Variants in TAFA5 observed in about 807,000 individuals in gnomAD.
TAFA5 encodes the protein TAFA chemokine like family member 5.
In TAFA5, 6 loss-of-function variants were observed where a neutral mutation model predicts 15.3. The ratio of observed to expected loss-of-function variants is 0.39; its 90% CI spans 0.21 to 0.77. The LOEUF (loss-of-function observed/expected upper bound fraction) is 0.77, where lower values mean the gene tolerates loss of function less well. Among genes scored for constraint, TAFA5 ranks in the 30% least tolerant of loss-of-function variants. The pLI, the probability that TAFA5 is intolerant of heterozygous loss-of-function variation, is 0.41. For synonymous variants in TAFA5, 103 were observed against 80.7 expected (o/e 1.28, Z -1.48); for missense variants, 161 against 193.1 (o/e 0.83, Z 0.98).
chr22:48,717,651 G>T (rs1484083068), intron 3 of TAFA5, among the ~76,000 whole-genome samples: 1 of 152,214 alleles, frequency 6.6e-6, no homozygotes, highest in Non-Finnish European at 1.5e-5. Context: ...GTATTCATCA[G>T]GCCCCGTTCT....
chr22:48,718,411 G>A (rs1027914228), intron 3 of TAFA5, among the ~76,000 whole-genome samples: 1 of 152,158 alleles, frequency 6.6e-6, no homozygotes, highest in Non-Finnish European at 1.5e-5. Flanking sequence ...AAGTCAAGAG[G>A]TGTCTTGAGG....
At chr22:48,719,679 C>T (rs910669633) in intron 3 of TAFA5, among the ~76,000 whole-genome samples, 3 of 152,186 alleles carry the variant, frequency 2.0e-5, no homozygotes, top group African/African-American at 7.2e-5. Flanking sequence ...CGGGGACCCG[C>T]ACCTAACTAA....
intron 1 of TAFA5, among the ~76,000 whole-genome samples, chr22:48,509,855 G>A (rs1921145581): frequency 6.6e-6 from 1 of 151,818 alleles, no homozygotes; most frequent in Non-Finnish European, 1.5e-5. Flanking sequence ...GGAGGCTGAG[G>A]CAGGAGAATG....
At chr22:48,645,616 G>A (rs1171656470) in intron 1 of TAFA5, among the ~76,000 whole-genome samples, 1 of 152,124 alleles carries the variant, frequency 6.6e-6, no homozygotes, top group African/African-American at 2.4e-5. Flanking sequence ...CGTGCCCTGT[G>A]GGGTATCTGT....
intron 3 of TAFA5, among the ~76,000 whole-genome samples, chr22:48,746,675 G>A (rs901297503): frequency 4.6e-5 from 7 of 152,282 alleles, no homozygotes; most frequent in African/African-American, 1.7e-4. Flanking sequence ...GGACCCGGGA[G>A]GTGTGCCCCG....
At chr22:48,529,207 G>A (rs1459106722) in intron 1 of TAFA5, among the ~76,000 whole-genome samples, 1 of 149,884 alleles carries the variant, frequency 6.7e-6, no homozygotes, top group Non-Finnish European at 1.5e-5. Flanking sequence ...GGCAGGAAAT[G>A]AGGATGTCCA....
intron 1 of TAFA5, among the ~76,000 whole-genome samples, chr22:48,512,764 CA>C (rs1003126343): frequency 1.3e-5 from 2 of 149,278 alleles, no homozygotes; most frequent in African/African-American, 2.5e-5. Context: ...ACTAAAAATA[CA>C]AAAAAAAATT....
At chr22:48,705,803 A>G (rs116496304) in intron 2 of TAFA5, among the ~76,000 whole-genome samples, 1 of 152,234 alleles carries the variant, frequency 6.6e-6, no homozygotes, top group African/African-American at 2.4e-5. Flanking sequence ...ACACACGTGC[A>G]TTTGCACAAC....
intron 3 of TAFA5, among the ~76,000 whole-genome samples, chr22:48,712,663 G>A (rs927195645): frequency 4.6e-5 from 7 of 152,192 alleles, no homozygotes; most frequent in South Asian, 2.1e-4. Context: ...CCTTGTGGAC[G>A]TCCACCTGCC....
chr22:48,602,322 T>G (rs1268392451), intron 1 of TAFA5, among the ~76,000 whole-genome samples: 1 of 152,186 alleles, frequency 6.6e-6, no homozygotes, highest in African/African-American at 2.4e-5. Context: ...AGTTAGCAGG[T>G]CCTGGACATG....
At chr22:48,553,710 G>A (rs1444063902) in intron 1 of TAFA5, among the ~76,000 whole-genome samples, 1 of 152,164 alleles carries the variant, frequency 6.6e-6, no homozygotes, top group Non-Finnish European at 1.5e-5. Flanking sequence ...TGCCTCCCAC[G>A]GCTCTCTCTC....
chr22:48,560,677 C>T lies in TAFA5; in HGVS notation c.112+70973C>T, dbSNP rs1014716177. ...CAGGCGGGAGTGCAGTGGTGCTATT[C>T]GGCTCACTGCATCCTCTGCCTCCCG... On this transcript the variant is annotated intron_variant, in intron 1 of 3. Transcript: ENST00000402357. This position sits in a 1 kb window ranked among gnomAD's most constrained non-coding sequence, Gnocchi z 4.2. Among the ~76,000 whole-genome samples the T allele has an allele frequency of 2.0e-5, 3 of 151,660 alleles. No individual in the cohort carries two copies. The highest frequency in any genetic ancestry group is 4.8e-5 in the African/African-American group (2 of 41,256).
At chr22:48,618,544 C>T (rs1013752502) in intron 1 of TAFA5, among the ~76,000 whole-genome samples, 3 of 152,196 alleles carry the variant, frequency 2.0e-5, no homozygotes, top group Non-Finnish European at 4.4e-5. Flanking sequence ...ATCAGGTGGC[C>T]TCGTCCGCAC....
At chr22:48,732,305 C>T (rs942770663) in intron 3 of TAFA5, among the ~76,000 whole-genome samples, 1 of 152,126 alleles carries the variant, frequency 6.6e-6, no homozygotes, top group Non-Finnish European at 1.5e-5. Flanking sequence ...GGCTGGAGTG[C>T]AGTGGCGCAA....
chr22:48,743,596 T>C (rs773374144), intron 3 of TAFA5, among the ~76,000 whole-genome samples: 2 of 152,020 alleles, frequency 1.3e-5, no homozygotes, highest in African/African-American at 4.8e-5. Flanking sequence ...CCTGAGCTCA[T>C]GGAGGAGGGG....
At chr22:48,544,814 G>A (rs545939727) in intron 1 of TAFA5, 11 of 471,142 alleles carry the variant, frequency 2.3e-5, no homozygotes, top group South Asian at 1.5e-4. Context: ...TGCAAACAAG[G>A]TGTGGCCTGG....
At chr22:48,717,487 A>G (rs554978927) in intron 3 of TAFA5, among the ~76,000 whole-genome samples, 14 of 152,260 alleles carry the variant, frequency 9.2e-5, no homozygotes, top group Non-Finnish European at 1.9e-4. Context: ...TCTAGCAGGA[A>G]TTCGCAAATG....
intron 2 of TAFA5, among the ~76,000 whole-genome samples, chr22:48,701,275 G>A (rs1236609163): frequency 6.6e-6 from 1 of 152,118 alleles, no homozygotes; most frequent in African/African-American, 2.4e-5. Flanking sequence ...CTGCATGCGT[G>A]TCCTCCAGCT....
At chr22:48,633,245 C>G (rs971131400) in intron 1 of TAFA5, among the ~76,000 whole-genome samples, 1 of 152,172 alleles carries the variant, frequency 6.6e-6, no homozygotes, top group Admixed American at 6.5e-5. Context: ...GAGGAGGGCA[C>G]GAATGTCATC....
Sources: gnomAD v4.1 joint callset for allele counts (sites outside exome capture counted in the v4.1 genomes callset) on GRCh38, gnomAD v4.1.1 for gene constraint, Gnocchi (gnomAD v3.1) non-coding constraint, MANE v1.5 for transcripts, NCBI Gene and HGNC (gene_info 2026-07-23, HGNC 2026-07-21) for gene names.